AHCYL2: variants seen among roughly 807,000 people sequenced by gnomAD.
AHCYL2 encodes adenosylhomocysteinase like 2.
In AHCYL2, 28 loss-of-function variants were observed where a neutral mutation model predicts 81.4. The ratio of observed to expected loss-of-function variants is 0.34; its 90% CI spans 0.25 to 0.47. AHCYL2 has a LOEUF of 0.47. AHCYL2 is among the 20% of genes least tolerant of loss of function. AHCYL2 has a pLI of 1.00. For missense variants in AHCYL2, 551 were observed against 785.1 expected (o/e 0.70, Z 3.56); for synonymous variants, 272 against 290.2 (o/e 0.94, Z 0.64).
chr7:129,426,896 G>A lies in AHCYL2; in HGVS notation c.1830-143G>A. 1 of 814,112 alleles carries A rather than the reference G, an allele frequency of 1.2e-6. No homozygotes were observed. The highest frequency in any genetic ancestry group is 2.5e-5 in the Admixed American group (1 of 39,744). The allele number at this position is 814,112 out of a possible 1,614,324, so 50.4% of individuals were successfully genotyped here. A position where few individuals can be genotyped will look rare whatever the true frequency, so the allele number is the denominator to read the frequency against. ...AAATATTGGCCTTTTTCAATGATGT[G>A]AAAAGGAAACACAGTTATTTCCTGT... On this transcript the variant is annotated intron_variant, in intron 16 of 16. Transcript: ENST00000325006. The surrounding 1 kb of genome is among the most constrained non-coding windows in gnomAD (Gnocchi z 4.3).
intron 1 of AHCYL2, among the ~76,000 whole-genome samples, chr7:129,324,717 G>A (rs34659337): frequency 0.025 from 3,777 of 152,006 alleles, 80 homozygotes; most frequent in Admixed American, 0.058. Context: ...GGGTTTCACC[G>A]TGTTAGCCAG....
At chr7:129,233,321 A>G (rs1048327642) in intron 1 of AHCYL2, among the ~76,000 whole-genome samples, 8 of 152,030 alleles carry the variant, frequency 5.3e-5, no homozygotes, top group African/African-American at 1.9e-4. Flanking sequence ...AGTAGCCAGA[A>G]CTACAAGTGT....
At chr7:129,409,087 TAA>T (rs35068503) in intron 10 of AHCYL2, among the ~76,000 whole-genome samples, 9 of 144,128 alleles carry the variant, frequency 6.2e-5, no homozygotes, top group South Asian at 2.2e-4. Context: ...ATCCCATCTC[TAA>T]AAAAAAAAAA....
chr7:129,424,442 C>T (rs2150969831), intron 13 of AHCYL2, among the ~76,000 whole-genome samples: 1 of 152,134 alleles, frequency 6.6e-6, no homozygotes, highest in South Asian at 2.1e-4. Flanking sequence ...TCACAGCTTC[C>T]TAAGTCCAAA....
Position 129,389,818 on chromosome 7 carries a change from G to A in AHCYL2, c.720+84G>A, listed in dbSNP as rs369017192. On this transcript the variant is annotated intron_variant, in intron 4 of 16. Coordinates refer to ENST00000325006, the MANE Select transcript of AHCYL2 (RefSeq NM_015328.4). ...GAAAGCTTACAACATGCCAAGCACC[G>A]AGTTAAGAGCTTAACAAGTATTAGC... 1.3e-3 allele frequency: 1,474 copies of A among 1,112,234 alleles called. 3 individuals are homozygous for A. The highest frequency in any genetic ancestry group is 4.0e-3 in the South Asian group (248 of 62,162). 68.9% of individuals were successfully genotyped at this position (1,112,234 alleles called of 1,614,324 possible). A position where few individuals can be genotyped will look rare whatever the true frequency, so the allele number is the denominator to read the frequency against.
At chr7:129,392,082 C>G (rs1234017752) in intron 4 of AHCYL2, among the ~76,000 whole-genome samples, 1 of 152,052 alleles carries the variant, frequency 6.6e-6, no homozygotes, top group African/African-American at 2.4e-5. Flanking sequence ...AGCATTACCA[C>G]CTTTCATGGT....
chr7:129,349,978 A>T (rs1793499794), intron 1 of AHCYL2, among the ~76,000 whole-genome samples: 1 of 152,236 alleles, frequency 6.6e-6, no homozygotes, highest in Non-Finnish European at 1.5e-5. Context: ...TGCATACTTT[A>T]ACTCAGATGT....
At chr7:129,373,801 G>A (rs1193319684) in intron 1 of AHCYL2, among the ~76,000 whole-genome samples, 1 of 152,182 alleles carries the variant, frequency 6.6e-6, no homozygotes, top group African/African-American at 2.4e-5. Flanking sequence ...CATGCGGACT[G>A]GGGTGAACAT....
intron 1 of AHCYL2, among the ~76,000 whole-genome samples, chr7:129,369,937 T>TG (rs1221957733): frequency 6.6e-6 from 1 of 152,234 alleles, no homozygotes; most frequent in African/African-American, 2.4e-5. Context: ...TTAGAATTAA[T>TG]GGAAGGATTT....
intron 2 of AHCYL2, among the ~76,000 whole-genome samples, chr7:129,382,896 A>C (rs1440557053): frequency 1.3e-5 from 2 of 152,186 alleles, no homozygotes; most frequent in African/African-American, 4.8e-5. Context: ...ACAAGAGTGA[A>C]ACTATGTCTC....
At chr7:129,278,630 T>C (rs1796307330) in intron 1 of AHCYL2, among the ~76,000 whole-genome samples, 3 of 152,192 alleles carry the variant, frequency 2.0e-5, no homozygotes, top group African/African-American at 7.2e-5. Flanking sequence ...AAGAAATCTT[T>C]GTCCAACCCA....
Position 129,248,082 on chromosome 7 carries a change from C to T in AHCYL2, c.363+22643C>T, listed in dbSNP as rs1795122213. On this transcript the variant is annotated intron_variant, in intron 1 of 16. Coordinates refer to ENST00000325006, the MANE Select transcript of AHCYL2 (RefSeq NM_015328.4). Reference sequence around the variant, plus strand: ...ATATGGATATCCACTTATCCCAGCACCATTAGTTGAAAGAACTATCCTTTC... The same window carrying T: ...ATATGGATATCCACTTATCCCAGCATCATTAGTTGAAAGAACTATCCTTTC... Among the ~76,000 whole-genome samples, 4 of 152,196 alleles carry T rather than the reference C, an allele frequency of 2.6e-5. No individual in the cohort carries two copies. The South Asian group carries it at 8.3e-4, about 32-fold the overall frequency.
intron 1 of AHCYL2, among the ~76,000 whole-genome samples, chr7:129,233,348 A>G (rs1357327679): frequency 6.6e-6 from 1 of 151,472 alleles, no homozygotes; most frequent in African/African-American, 2.4e-5. Flanking sequence ...ACGCCTGGCT[A>G]TTTTTTTATT....
At chr7:129,323,364 G>A (rs1041924778) in intron 1 of AHCYL2, among the ~76,000 whole-genome samples, 3 of 152,078 alleles carry the variant, frequency 2.0e-5, no homozygotes, top group Admixed American at 2.0e-4. Flanking sequence ...ATATTTGAGG[G>A]ATTTTCCAGA....
At chr7:129,383,842 C>A (rs1163365026) in intron 2 of AHCYL2, among the ~76,000 whole-genome samples, 3 of 152,174 alleles carry the variant, frequency 2.0e-5, no homozygotes, top group Admixed American at 2.0e-4. Flanking sequence ...TTGCTGGCTA[C>A]CTTACCTCCT....
chr7:129,277,322 A>C (rs1324911721), intron 1 of AHCYL2, among the ~76,000 whole-genome samples: 4 of 139,238 alleles, frequency 2.9e-5, no homozygotes, highest in African/African-American at 8.1e-5. Flanking sequence ...TCTGTCGCCC[A>C]GGCTAGATGG....
chr7:129,328,766 A>C (rs534701933), intron 1 of AHCYL2, among the ~76,000 whole-genome samples: 1 of 152,202 alleles, frequency 6.6e-6, no homozygotes, highest in Non-Finnish European at 1.5e-5. Flanking sequence ...GATTACAGGC[A>C]TGAGCCACCA....
intron 1 of AHCYL2, among the ~76,000 whole-genome samples, chr7:129,373,585 C>T (rs1215444685): frequency 6.6e-6 from 1 of 151,500 alleles, no homozygotes; most frequent in African/African-American, 2.4e-5. Flanking sequence ...GGGTGACAGA[C>T]CAAGACTCAG....
intron 1 of AHCYL2, chr7:129,283,325 C>T (rs1175154020): frequency 1.5e-5 from 7 of 455,204 alleles, no homozygotes; most frequent in Non-Finnish European, 3.1e-5. Context: ...TGTTTTCTGT[C>T]TCTCAGGGAT....
Sources: allele counts gnomAD v4.1 joint callset (sites outside exome capture counted in the v4.1 genomes callset), GRCh38; gene constraint gnomAD v4.1.1; non-coding constraint Gnocchi (gnomAD v3.1); transcripts MANE v1.5; gene names NCBI Gene and HGNC (gene_info 2026-07-23, HGNC 2026-07-21).